SNX25: variants seen among roughly 807,000 people sequenced by gnomAD.
SNX25 encodes sorting nexin-25.
Under a neutral mutation model 113.7 loss-of-function variants are expected in SNX25, and 62 were observed. The ratio of observed to expected loss-of-function variants is 0.55; its 90% CI spans 0.44 to 0.67. SNX25 has a LOEUF of 0.67. Among genes scored for constraint, SNX25 ranks in the 30% least tolerant of loss-of-function variants. The pLI is 0.00. For synonymous variants in SNX25, 421 were observed against 436.2 expected, an observed-to-expected ratio of 0.97 and a Z score of 0.43; for missense variants, 1,014 against 1,161.0, an observed-to-expected ratio of 0.87 and a Z score of 1.84.
chr4:185,229,365 C>T (rs1486174693), intron 1 of SNX25, among the ~76,000 whole-genome samples: 6 of 152,154 alleles, frequency 3.9e-5, no homozygotes, highest in Admixed American at 2.0e-4. Context: ...AATGGGCGAG[C>T]GCCGTGGAGT....
intron 2 of SNX25, among the ~76,000 whole-genome samples, chr4:185,253,888 G>A (rs114316096): frequency 3.3e-3 from 504 of 152,344 alleles, no homozygotes; most frequent in African/African-American, 0.011. Flanking sequence ...GTCATAACTT[G>A]AAAACAATCA....
rs1339587115 is a variant in SNX25, at chr4:185,363,792, G to A, written c.*327G>A. The stretch of plus-strand genomic sequence containing the variant: ...TGTTTTAAAATGAACTATGAATATT[G>A]TACAGTTAATTTCCTCACTGAGGAC... On this transcript the variant is annotated 3_prime_UTR_variant, in exon 19 of 19. Transcript: ENST00000652585. The surrounding 1 kb of genome is among the most constrained non-coding windows in gnomAD (Gnocchi z 4.2). 5.3e-6 allele frequency: 1 copy of A among 189,066 alleles called. No individual in the cohort carries two copies. Among genetic ancestry groups the A allele is most frequent in the Non-Finnish European group, 1.1e-5 (1 of 89,814 alleles). 11.7% of individuals were successfully genotyped at this position (189,066 alleles called of 1,614,324 possible). A position where few individuals can be genotyped will look rare whatever the true frequency, so the allele number is the denominator to read the frequency against.
At chr4:185,353,749 T>A in intron 15 of SNX25, 147 bp downstream of exon 15, 1 of 778,278 alleles carries the variant, frequency 1.3e-6, no homozygotes, top group South Asian at 1.6e-5. Context: ...ACATAGCCTT[T>A]TAAGAGCCAA....
At chr4:185,368,481 G>A (rs1382779744), downstream of SNX25, among the ~76,000 whole-genome samples, 1 of 152,070 alleles carries the variant, frequency 6.6e-6, no homozygotes, top group Non-Finnish European at 1.5e-5. Flanking sequence ...CTCCCAACCC[G>A]TTCCCTTCCT....
intron 18 of SNX25, 126 bp downstream of exon 18, chr4:185,362,837 CT>C (rs35348535): frequency 0.2 from 49,038 of 246,986 alleles, 653 homozygotes; most frequent in African/African-American, 0.24. Flanking sequence ...TCTCCCTTGA[CT>C]TTTTTTTTTT....
At chr4:185,303,621 T>G (rs1035478805) in intron 6 of SNX25, among the ~76,000 whole-genome samples, 8 of 138,078 alleles carry the variant, frequency 5.8e-5, no homozygotes, top group Admixed American at 5.6e-4. Context: ...ATTGCACCAC[T>G]GCACTTCAGC....
At chr4:185,224,458 GA>G (rs1740555895) in intron 1 of SNX25, among the ~76,000 whole-genome samples, 4 of 22,276 alleles carry the variant, frequency 1.8e-4, no homozygotes, top group African/African-American at 3.8e-4. Flanking sequence ...TATATATATA[GA>G]TATATAAATA....
Position 185,362,670 on chromosome 4 carries a change from A to C in SNX25, c.2893A>C (p.Asn965His), listed in dbSNP as rs943189162. The C allele has an allele frequency of 5.0e-6, 8 of 1,614,000 alleles. No individual in the cohort carries two copies. The highest frequency in any genetic ancestry group is 1.7e-5 in the Admixed American group (1 of 59,990). ...NARHGIIKIF[N>H]ALQETRANKH... The stretch of plus-strand genomic sequence containing the variant: ...CCGCCACGGTATAATAAAAATATTC[A>C]ATGCACTGCAAGAAACAAGAGCCAA... Residue 965 changes from asparagine to histidine, a missense_variant, in exon 18 of 19, where the codon AAT becomes CAT. Coordinates refer to ENST00000652585, the MANE Select transcript of SNX25 (RefSeq NM_001378034.2).
At chr4:185,368,904 A>G (rs147528421), downstream of SNX25, among the ~76,000 whole-genome samples, 635 of 148,624 alleles carry the variant, frequency 4.3e-3, 5 homozygotes, top group African/African-American at 0.015. Flanking sequence ...AGCGATTCTC[A>G]TGCCTCAGCC....
Position 185,288,002 on chromosome 4 carries a change from T to C in SNX25, c.1092-10T>C. On this transcript the variant is annotated splice_polypyrimidine_tract_variant and intron_variant, in intron 5 of 18. Coordinates refer to ENST00000652585, the MANE Select transcript of SNX25 (RefSeq NM_001378034.2). Reference sequence around the variant, plus strand: ...CTTAAATCTTTTTCTTTTCTCTTTTTAAAAATCAGGTATCAAATTGTAGTG... The same window carrying C: ...CTTAAATCTTTTTCTTTTCTCTTTTCAAAAATCAGGTATCAAATTGTAGTG... The C allele has an allele frequency of 6.2e-7, 1 of 1,604,746 alleles. No individual in the cohort carries two copies. Among genetic ancestry groups the C allele is most frequent in the Non-Finnish European group, 8.5e-7 (1 of 1,175,410 alleles).
chr4:185,296,424 A>G (rs1240173691), intron 6 of SNX25, among the ~76,000 whole-genome samples: 1 of 152,184 alleles, frequency 6.6e-6, no homozygotes, highest in Non-Finnish European at 1.5e-5. Flanking sequence ...TTTTAGGTTC[A>G]CAGTAGATTA....
chr4:185,345,858 T>C (rs1442973195), intron 12 of SNX25, among the ~76,000 whole-genome samples: 1 of 152,060 alleles, frequency 6.6e-6, no homozygotes, highest in Admixed American at 6.5e-5. Flanking sequence ...CATTGTTTTC[T>C]TTTCTTTTTA....
chr4:185,259,162 T>G, intron 3 of SNX25, 98 bp downstream of exon 3: 1 of 904,356 alleles, frequency 1.1e-6, no homozygotes, highest in Non-Finnish European at 1.7e-6. Flanking sequence ...ATTCTGCCTA[T>G]TGCTGGCACT....
chr4:185,356,148 T>C (rs112953989), intron 15 of SNX25, among the ~76,000 whole-genome samples: 13 of 148,536 alleles, frequency 8.8e-5, no homozygotes, highest in South Asian at 2.3e-4. Context: ...GGGGCTCGCG[T>C]GTGTGTGTGT....
In SNX25 at chr4:185,221,884, A is replaced by G. The variant is rs140058351; in HGVS notation, c.429+11629A>G. On this transcript the variant is annotated intron_variant, in intron 1 of 18. Coordinates refer to ENST00000652585, the MANE Select transcript of SNX25 (RefSeq NM_001378034.2). ...TCAGTTTTGCAGGGAAGCTTTTCCT[A>G]TCTTTCAACTTACATATTCTTATAG... Among the ~76,000 whole-genome samples the G allele has an allele frequency of 1.2e-4, 18 of 152,174 alleles. No homozygotes were observed. The East Asian group carries it at 2.9e-3, about 24-fold the overall frequency.
chr4:185,291,219 G>A (rs1258055581), intron 6 of SNX25, among the ~76,000 whole-genome samples: 5 of 152,062 alleles, frequency 3.3e-5, no homozygotes, highest in African/African-American at 9.7e-5. Context: ...TGAAATATAC[G>A]TAACAAAATT....
rs1030524116 is a variant in SNX25, at chr4:185,222,891, T to C, written c.429+12636T>C. 6.6e-5 allele frequency among the ~76,000 whole-genome samples: 10 copies of C among 152,174 alleles called. No homozygotes were observed. In the East Asian group the frequency reaches 1.9e-3, roughly 29 times the overall value. ...GAAGTCTCTTCATCTGAAAAAAGGA[T>C]ATAATAAATACTTTCAAAGGTTCTT... is the stretch of plus-strand genomic sequence containing the variant. On this transcript the variant is annotated intron_variant, in intron 1 of 18. Coordinates refer to ENST00000652585, the MANE Select transcript of SNX25 (RefSeq NM_001378034.2).
chr4:185,368,494 G>A (rs549772783), downstream of SNX25, among the ~76,000 whole-genome samples: 1 of 151,846 alleles, frequency 6.6e-6, no homozygotes, highest in Non-Finnish European at 1.5e-5. Context: ...CCCTTCCTGC[G>A]GGACACTGCC....
chr4:185,361,216 T>G (rs2095361998), intron 16 of SNX25, among the ~76,000 whole-genome samples: 1 of 152,110 alleles, frequency 6.6e-6, no homozygotes, highest in African/African-American at 2.4e-5. Context: ...GAAAGCCTGC[T>G]CCTCCTGCGG....
Sources: gnomAD v4.1 joint callset for allele counts (sites outside exome capture counted in the v4.1 genomes callset) on GRCh38, gnomAD v4.1.1 for gene constraint, Gnocchi (gnomAD v3.1) non-coding constraint, MANE v1.5 for transcripts, NCBI Gene and HGNC (gene_info 2026-07-23, HGNC 2026-07-21) for gene names.